SERINC2: variants seen among roughly 807,000 people sequenced by gnomAD.
SERINC2 encodes the protein tumor differentially expressed protein 2.
A neutral mutation model predicts 54.2 loss-of-function variants in SERINC2; 56 were observed. The observed-to-expected ratio is 1.03, with a 90% CI of 0.83 to 1.29. SERINC2 has a LOEUF of 1.29. SERINC2 is among the 50% of genes most tolerant of loss of function. The probability of loss-of-function intolerance (pLI) is 0.00; values close to 1 mark genes in which losing one functional copy is unlikely to be tolerated. For missense variants in SERINC2, 614 were observed against 607.4 expected (o/e 1.01, Z -0.12); for synonymous variants, 272 against 253.1 (o/e 1.07, Z -0.71).
rs181963831 is a variant in SERINC2 at position 31,418,619 on chromosome 1, C to T, written c.40-5074C>T. Among the ~76,000 whole-genome samples the T allele has an allele frequency of 1.2e-3, 184 of 152,214 alleles. 1 individual carries two copies. The highest frequency in any genetic ancestry group is 4.3e-3 in the African/African-American group (178 of 41,502). ...CAAACTCCTGATCTCAGGTAATCTGCCTGTGTTGGCTTCTCAAAGTGCTGG... is the reference window on the plus strand; with the variant it reads ...CAAACTCCTGATCTCAGGTAATCTGTCTGTGTTGGCTTCTCAAAGTGCTGG... On this transcript the variant is annotated intron_variant, in intron 1 of 9. Coordinates refer to ENST00000373709, the MANE Select transcript of SERINC2 (RefSeq NM_178865.5).
At position 31,426,760 on chromosome 1, in the gene SERINC2, C is replaced by T. The variant is rs371614045; in HGVS notation, c.717C>T (p.Phe239=). The T allele has an allele frequency of 2.3e-5, 37 of 1,614,076 alleles. No individual in the cohort carries two copies. The highest frequency in any genetic ancestry group is 3.1e-5 in the Non-Finnish European group (37 of 1,180,038). Residue 239 remains phenylalanine (F), a synonymous_variant, in exon 6 of 10, where the codon TTC becomes TTT. Transcript: ENST00000373709. ...GCGGCTGCCACGAGGGCAAGGTCTTCATCAGCCTCAACCTCACCTTCTGTG... is the reference window on the plus strand; with the variant it reads ...GCGGCTGCCACGAGGGCAAGGTCTTTATCAGCCTCAACCTCACCTTCTGTG... The part of the protein sequence containing the change: ...EPSGCHEGKV[F]ISLNLTFCVC...
intron 6 of SERINC2, 147 bp downstream of exon 6, chr1:31,426,970 A>G: frequency 1.4e-6 from 1 of 697,752 alleles, no homozygotes; most frequent in Non-Finnish European, 2.4e-6. Flanking sequence ...CCCAGGTTAT[A>G]GTCAGGCTCT....
upstream of SERINC2, chr1:31,410,104 C>T (rs896305350): frequency 3.9e-6 from 5 of 1,285,434 alleles, no homozygotes; most frequent in Non-Finnish European, 5.2e-6. Flanking sequence ...GTTTACATAG[C>T]ATTGGGTGGA....
rs74063729 is a variant in SERINC2, at chr1:31,432,817, G to A, written c.1014-150G>A. On this transcript the variant is annotated intron_variant, in intron 8 of 9. Transcript: ENST00000373709. ...GGTCACACAGAAAATGGGAGTGGGGGTAGGGGTAGAGTTGAGAGGCAAAGC... is the reference window on the plus strand; with the variant it reads ...GGTCACACAGAAAATGGGAGTGGGGATAGGGGTAGAGTTGAGAGGCAAAGC... 1.6e-3 allele frequency: 989 copies of A among 618,938 alleles called. 12 individuals are homozygous for A. The African/African-American group carries it at 0.016, about 10-fold the overall frequency. The allele number at this position is 618,938 out of a possible 1,614,324, so 38.3% of individuals were successfully genotyped here.
chr1:31,415,433 A>C (rs1363962705), intron 1 of SERINC2, among the ~76,000 whole-genome samples: 2 of 151,942 alleles, frequency 1.3e-5, no homozygotes, highest in Non-Finnish European at 2.9e-5. Flanking sequence ...GGCTCTCCCC[A>C]CCTCCTCTAC....
At chr1:31,422,338 C>T (rs1369838039) in intron 1 of SERINC2, among the ~76,000 whole-genome samples, 1 of 151,906 alleles carries the variant, frequency 6.6e-6, no homozygotes, top group Non-Finnish European at 1.5e-5. Context: ...GAAGAAAACC[C>T]TTCTTTTTAA....
chr1:31,422,402 C>T (rs782285022), intron 1 of SERINC2, among the ~76,000 whole-genome samples: 3 of 152,062 alleles, frequency 2.0e-5, no homozygotes, highest in African/African-American at 4.8e-5. Context: ...TGTGCTCAAG[C>T]GATCCTCCTG....
chr1:31,410,009 C>A (rs1194895111), upstream of SERINC2, among the ~76,000 whole-genome samples: 2 of 152,172 alleles, frequency 1.3e-5, no homozygotes, highest in African/African-American at 4.8e-5. Context: ...CCTTTGGGAA[C>A]TGGAGTTGAG....
intron 8 of SERINC2, 80 bp downstream of exon 8, chr1:31,429,618 G>C (rs2148524427): frequency 6.9e-7 from 1 of 1,447,228 alleles, no homozygotes; most frequent in African/African-American, 1.4e-5. Context: ...TGGGAGCCAG[G>C]ATACCAAACT....
chr1:31,423,892 G>A, intron 2 of SERINC2, 38 bp downstream of exon 2: 1 of 1,600,580 alleles, frequency 6.2e-7, no homozygotes, highest in Admixed American at 1.7e-5. Flanking sequence ...CCTCCAGCGA[G>A]GGGCGTCAGT....
rs1557499859 is a variant in SERINC2, at chr1:31,431,804, ACAGGG to A, written c.1014-1162_1014-1158del. ...AGGGTGGATAGGGTGGATAGGGTGGACAGGGTGGACAGGGTGGATAGGGTGGATAG... is the reference window on the plus strand; with the variant it reads ...AGGGTGGATAGGGTGGATAGGGTGGATGGACAGGGTGGATAGGGTGGATAG... On this transcript the variant is annotated intron_variant, in intron 8 of 9. Coordinates refer to ENST00000373709, the MANE Select transcript of SERINC2 (RefSeq NM_178865.5). 7.2e-3 allele frequency among the ~76,000 whole-genome samples: 886 copies of A among 122,410 alleles called. 50 individuals are homozygous for A. The highest frequency in any genetic ancestry group is 0.015 in the South Asian group (50 of 3,434). 80.3% of individuals were successfully genotyped at this position (122,410 alleles called of 152,430 possible). A position where few individuals can be genotyped will look rare whatever the true frequency, so the allele number is the denominator to read the frequency against.
intron 3 of SERINC2, 115 bp from the exon 4 acceptor site, chr1:31,425,215 A>G: frequency 1.2e-6 from 1 of 821,208 alleles, no homozygotes. Context: ...GCCCACCCTC[A>G]CCCCTCTCAG....
chr1:31,413,161 G>T, upstream of SERINC2: 6 of 864,508 alleles, frequency 6.9e-6, no homozygotes, highest in Non-Finnish European at 8.1e-6. This position sits in a 1 kb window ranked among gnomAD's most constrained non-coding sequence, Gnocchi z 5.0. Context: ...GGTGGGGCGG[G>T]GCCGGGGCGG....
At chr1:31,426,887 G>A (rs1023754260) in intron 6 of SERINC2, 64 bp downstream of exon 6, 26 of 1,482,066 alleles carry the variant, frequency 1.8e-5, no homozygotes, top group African/African-American at 9.7e-5. Context: ...CTTCTTGTAG[G>A]AACCTGGGTC....
intron 1 of SERINC2, among the ~76,000 whole-genome samples, chr1:31,419,387 A>G (rs1311123705): frequency 6.6e-6 from 1 of 152,216 alleles, no homozygotes; most frequent in Non-Finnish European, 1.5e-5. Context: ...TTATTTTTAT[A>G]TTTGTAAATT....
intron 8 of SERINC2, among the ~76,000 whole-genome samples, 181 bp from the exon 9 acceptor site, chr1:31,432,786 G>C (rs1641348911): frequency 6.6e-6 from 1 of 152,124 alleles, no homozygotes; most frequent in Non-Finnish European, 1.5e-5. Context: ...TAAGTGTTTT[G>C]CTCAAGGTCA....
chr1:31,423,214 G>A (rs1553132950), intron 1 of SERINC2, among the ~76,000 whole-genome samples: 1 of 152,222 alleles, frequency 6.6e-6, no homozygotes, highest in South Asian at 2.1e-4. Flanking sequence ...ATTAAGTGGG[G>A]AAGGGGAAAG....
intron 1 of SERINC2, chr1:31,416,017 C>A: frequency 1.7e-6 from 1 of 583,306 alleles, no homozygotes; most frequent in Non-Finnish European, 2.2e-6. Context: ...TCAGGAGGGT[C>A]TTGCACATCC....
chr1:31,421,669 C>A (rs1640904455), intron 1 of SERINC2, among the ~76,000 whole-genome samples: 1 of 152,166 alleles, frequency 6.6e-6, no homozygotes, highest in Non-Finnish European at 1.5e-5. Context: ...GAGCAAGGGG[C>A]CCCTGCCAGC....
Sources: gnomAD v4.1 joint callset for allele counts (sites outside exome capture counted in the v4.1 genomes callset) on GRCh38, gnomAD v4.1.1 for gene constraint, Gnocchi (gnomAD v3.1) non-coding constraint, MANE v1.5 for transcripts, NCBI Gene and HGNC (gene_info 2026-07-23, HGNC 2026-07-21) for gene names.